The following PIBF1 variants were observed in gnomAD, a reference collection of about 807,000 sequenced individuals.
The protein encoded by PIBF1 is progesterone-induced-blocking factor 1.
In PIBF1, 90 loss-of-function variants were observed where a neutral mutation model predicts 112.5. The observed-to-expected ratio is 0.80, with a 90% CI of 0.67 to 0.95. The LOEUF is 0.95. Among genes scored for constraint, PIBF1 ranks in the 40% least tolerant of loss-of-function variants. The pLI is 0.00. For missense variants in PIBF1, 915 were observed against 852.3 expected, an observed-to-expected ratio of 1.07 and a Z score of -0.92; for synonymous variants, 301 against 288.6, an observed-to-expected ratio of 1.04 and a Z score of -0.44.
intron 15 of PIBF1, 136 bp downstream of exon 15, chr13:72,965,540 C>A (rs895958453): frequency 8.9e-6 from 6 of 671,746 alleles, no homozygotes; most frequent in Non-Finnish European, 1.5e-5. Flanking sequence ...GAATATTAAA[C>A]TTTTCTTAGA....
At chr13:72,960,247 A>G (rs549416230) in intron 14 of PIBF1, among the ~76,000 whole-genome samples, 2 of 152,240 alleles carry the variant, frequency 1.3e-5, no homozygotes, top group Middle Eastern at 3.4e-3. Flanking sequence ...AACTTTGTTT[A>G]TAATACTAAA....
At chr13:72,817,356 C>T (rs1228592505) in intron 5 of PIBF1, among the ~76,000 whole-genome samples, 3 of 152,046 alleles carry the variant, frequency 2.0e-5, no homozygotes, top group Non-Finnish European at 2.9e-5. Flanking sequence ...TATTATTATC[C>T]CATTTACTGT....
chr13:72,860,450 A>G (rs1033028803), intron 10 of PIBF1, among the ~76,000 whole-genome samples: 13 of 151,930 alleles, frequency 8.6e-5, no homozygotes, highest in African/African-American at 3.1e-4. Context: ...AATATCGTAT[A>G]TATTTTGTAT....
At chr13:72,815,509 G>A (rs977448671) in intron 5 of PIBF1, among the ~76,000 whole-genome samples, 3 of 152,150 alleles carry the variant, frequency 2.0e-5, no homozygotes, top group African/African-American at 7.2e-5. Context: ...AGTAAGACAA[G>A]CTCATTAAAA....
chr13:72,863,390 G>A (rs540192910), intron 10 of PIBF1, among the ~76,000 whole-genome samples: 9 of 152,168 alleles, frequency 5.9e-5, no homozygotes, highest in Admixed American at 1.3e-4. Context: ...GGTGGCTCAC[G>A]CCTGTAATCC....
chr13:72,963,323 A>G (rs776560429), intron 14 of PIBF1, among the ~76,000 whole-genome samples: 4 of 152,172 alleles, frequency 2.6e-5, no homozygotes, highest in Non-Finnish European at 5.9e-5. Context: ...GCCGGACCCA[A>G]TGGCTCATGC....
intron 14 of PIBF1, among the ~76,000 whole-genome samples, chr13:72,961,955 G>A (rs2042618388): frequency 6.6e-6 from 1 of 151,962 alleles, no homozygotes; most frequent in Non-Finnish European, 1.5e-5. Flanking sequence ...TTAGCCTAGT[G>A]TGTCTTCTAT....
rs774904152 is a variant in PIBF1, at chr13:72,792,435, C to T, written c.253-12C>T. On this transcript the variant is annotated splice_polypyrimidine_tract_variant and intron_variant, in intron 2 of 17. Coordinates refer to ENST00000326291, the MANE Select transcript of PIBF1 (RefSeq NM_006346.4). ...GACAAATCATATAATTTATCTTTTT[C>T]TCTTTACGAAGATTGAAGAATTGGA... 3 of 1,431,558 alleles carry T rather than the reference C, an allele frequency of 2.1e-6. No individual in the cohort carries two copies. The highest frequency in any genetic ancestry group is 2.3e-5 in the Admixed American group (1 of 43,652). 88.7% of individuals were successfully genotyped at this position (1,431,558 alleles called of 1,614,324 possible).
intron 10 of PIBF1, chr13:72,881,344 A>G (rs1381470879): frequency 6.6e-6 from 1 of 152,220 alleles, no homozygotes; most frequent in Admixed American, 6.5e-5. Flanking sequence ...CTATATGCCA[A>G]CAATGAACAA....
intron 10 of PIBF1, among the ~76,000 whole-genome samples, chr13:72,861,045 T>C (rs2038673483): frequency 6.6e-6 from 1 of 152,214 alleles, no homozygotes; most frequent in African/African-American, 2.4e-5. Flanking sequence ...GGCTACTACA[T>C]AGAATACTAT....
chr13:72,882,175 A>G (rs9600032), intron 10 of PIBF1, among the ~76,000 whole-genome samples: 4,251 of 152,282 alleles, frequency 0.028, 79 homozygotes, highest in Middle Eastern at 0.058. Flanking sequence ...AAAGCTGCCA[A>G]CAACATACAT....
At chr13:72,815,331 T>A (rs1050072675) in intron 5 of PIBF1, among the ~76,000 whole-genome samples, 10 of 152,254 alleles carry the variant, frequency 6.6e-5, no homozygotes, top group African/African-American at 2.4e-4. Context: ...ACGTATCAGA[T>A]GCAACAGCAA....
intron 16 of PIBF1, among the ~76,000 whole-genome samples, chr13:72,995,769 G>A (rs911372740): frequency 2.3e-4 from 35 of 151,994 alleles, no homozygotes; most frequent in African/African-American, 8.0e-4. Flanking sequence ...GGCCAAGATG[G>A]TGAAACCCCG....
chr13:72,834,422 T>G (rs563530844), intron 8 of PIBF1, among the ~76,000 whole-genome samples: 7 of 152,230 alleles, frequency 4.6e-5, no homozygotes, highest in Admixed American at 1.3e-4. Context: ...GCCAGAAGTT[T>G]GAGACCAGCC....
chr13:72,977,389 G>C (rs1417795801), intron 16 of PIBF1, among the ~76,000 whole-genome samples: 1 of 151,992 alleles, frequency 6.6e-6, no homozygotes, highest in Non-Finnish European at 1.5e-5. Flanking sequence ...TGTATTTTTA[G>C]TAGAGATGGG....
At chr13:72,788,388 C>G (rs530335792) in intron 2 of PIBF1, among the ~76,000 whole-genome samples, 10 of 152,048 alleles carry the variant, frequency 6.6e-5, no homozygotes, top group Non-Finnish European at 7.4e-5. Context: ...ATGGCTTAAG[C>G]AAGAGAAGGA....
At position 72,835,370 on chromosome 13, in the gene PIBF1, TAAAA is replaced by T; in HGVS notation, c.1223+12_1223+15del. The T allele has an allele frequency of 2.2e-6, 3 of 1,349,342 alleles. No individual in the cohort carries two copies. The highest frequency in any genetic ancestry group is 1.4e-5 in the South Asian group (1 of 69,596). 83.6% of individuals were successfully genotyped at this position (1,349,342 alleles called of 1,614,324 possible). The stretch of plus-strand genomic sequence containing the variant: ...GGAAATGTATGAACGAGAAAACAGG[TAAAA>T]AAAAAAAAATGCTTGTATGGTATTT... On this transcript the variant is annotated splice_donor_5th_base_variant and intron_variant, in intron 9 of 17. Transcript: ENST00000326291.
intron 5 of PIBF1, among the ~76,000 whole-genome samples, chr13:72,800,977 C>G (rs1171125609): frequency 1.3e-5 from 2 of 152,142 alleles, no homozygotes; most frequent in African/African-American, 4.8e-5. Flanking sequence ...AGGCTGTCTT[C>G]CTTGAGACAG....
chr13:72,792,157 G>T (rs1593893213), intron 2 of PIBF1, among the ~76,000 whole-genome samples: 1 of 151,918 alleles, frequency 6.6e-6, no homozygotes, highest in Non-Finnish European at 1.5e-5. Context: ...TTAACCGGGT[G>T]TGGTGGCACT....
Sources: gnomAD v4.1 joint callset for allele counts (sites outside exome capture counted in the v4.1 genomes callset) on GRCh38, gnomAD v4.1.1 for gene constraint, MANE v1.5 for transcripts, NCBI Gene and HGNC (gene_info 2026-07-23, HGNC 2026-07-21) for gene names.